The following KDM4B variants were observed in gnomAD, a reference collection of about 807,000 sequenced individuals.
KDM4B encodes the protein lysine-specific demethylase 4B.
KDM4B carries 32 observed loss-of-function variants against 125.2 expected under a neutral mutation model. The observed-to-expected ratio is 0.26, with a 90% CI of 0.19 to 0.34. KDM4B has a LOEUF of 0.34. Ranked by LOEUF, KDM4B falls within the 10% of genes least tolerant of loss-of-function variation. The probability of loss-of-function intolerance (pLI) is 1.00; values close to 1 mark genes in which losing one functional copy is unlikely to be tolerated. For synonymous variants in KDM4B, 721 were observed against 677.9 expected (o/e 1.06, Z -0.99); for missense variants, 1,190 against 1,577.7 (o/e 0.75, Z 4.16).
intron 1 of KDM4B, among the ~76,000 whole-genome samples, chr19:5,010,403 C>T (rs575168650): frequency 1.3e-5 from 2 of 152,270 alleles, no homozygotes; most frequent in Admixed American, 6.5e-5. Flanking sequence ...GCTGAGGCGT[C>T]GGTCAAGTTT....
intron 9 of KDM4B, among the ~76,000 whole-genome samples, chr19:5,090,150 G>A (rs554566416): frequency 9.2e-5 from 14 of 152,146 alleles, no homozygotes; most frequent in Non-Finnish European, 1.9e-4. Context: ...ATTGCTGAGC[G>A]CCTGCCGTGT....
At chr19:5,025,834 A>T (rs1568236675) in intron 2 of KDM4B, among the ~76,000 whole-genome samples, 3 of 151,078 alleles carry the variant, frequency 2.0e-5, no homozygotes, top group Admixed American at 1.3e-4. Flanking sequence ...TCCCAAACCA[A>T]CTTCATTTGT....
chr19:5,137,896 C>T, intron 17 of KDM4B, 66 bp from the exon 18 acceptor site: 2 of 1,392,576 alleles, frequency 1.4e-6, no homozygotes, highest in Non-Finnish European at 2.0e-6. Context: ...ACATCACGCC[C>T]AGCCCCTCTG....
chr19:5,134,702 G>A (rs1267972317), intron 14 of KDM4B, among the ~76,000 whole-genome samples: 2 of 152,212 alleles, frequency 1.3e-5, no homozygotes, highest in African/African-American at 2.4e-5. Context: ...AGCATGTCCA[G>A]GCATCAGCAG....
chr19:5,074,454 G>C (rs1162451483), intron 7 of KDM4B: 3 of 152,280 alleles, frequency 2.0e-5, no homozygotes, highest in Non-Finnish European at 4.4e-5. Context: ...CTCACCGGGA[G>C]AGTTGTGGAG....
rs538978088 is a variant in KDM4B, at chr19:5,080,020, C to T, written c.781-2347C>T. 3.9e-5 allele frequency among the ~76,000 whole-genome samples: 6 copies of T among 152,340 alleles called. No individual in the cohort carries two copies. The East Asian group carries it at 9.7e-4, about 25-fold the overall frequency. On this transcript the variant is annotated intron_variant, in intron 8 of 22. Coordinates refer to ENST00000159111, the MANE Select transcript of KDM4B (RefSeq NM_015015.3). ...CTTGGGGACCCCATGTCCTGCACGGCGGGGGCCAGGCCCTGGGGCCACGTG... is the reference window on the plus strand; with the variant it reads ...CTTGGGGACCCCATGTCCTGCACGGTGGGGGCCAGGCCCTGGGGCCACGTG...
Position 5,142,543 on chromosome 19 carries a change from C to T in KDM4B, c.2551-1424C>T, listed in dbSNP as rs548422190. ...GATGGTGCTGGGCACCAGCCTGCCC[C>T]GGGGCTGGGTTTCTCCTGGGCCTGG... On this transcript the variant is annotated intron_variant, in intron 18 of 22. Transcript: ENST00000159111. The surrounding 1 kb of genome is among the most constrained non-coding windows in gnomAD (Gnocchi z 5.4). 5.3e-5 allele frequency among the ~76,000 whole-genome samples: 8 copies of T among 152,188 alleles called. No individual in the cohort carries two copies. The highest frequency in any genetic ancestry group is 9.6e-5 in the African/African-American group (4 of 41,536).
chr19:5,010,292 T>C (rs372282614), intron 1 of KDM4B, among the ~76,000 whole-genome samples: 2 of 152,198 alleles, frequency 1.3e-5, no homozygotes, highest in East Asian at 1.9e-4. Flanking sequence ...AAGCATACCA[T>C]AGGGCTCATG....
At position 5,101,473 on chromosome 19, in the gene KDM4B, G is replaced by T. The variant is rs188662175; in HGVS notation, c.919-9149G>T. Among the ~76,000 whole-genome samples the T allele has an allele frequency of 3.5e-4, 53 of 151,542 alleles. 1 individual carries two copies. Among genetic ancestry groups the T allele is most frequent in the Admixed American group, 3.2e-3 (48 of 15,234 alleles). ...AGGACTTCGGGGTCGGCAGTGAGCT[G>T]CTGTGATCACGCCACCACATTCCAG... On this transcript the variant is annotated intron_variant, in intron 9 of 22. Transcript: ENST00000159111.
At chr19:5,043,646 T>G (rs1214415937) in intron 5 of KDM4B, among the ~76,000 whole-genome samples, 4 of 114,302 alleles carry the variant, frequency 3.5e-5, no homozygotes, top group Non-Finnish European at 5.4e-5. Context: ...CACCATATCC[T>G]GCGTGGTGTT....
intron 6 of KDM4B, among the ~76,000 whole-genome samples, chr19:5,066,976 G>A (rs76084378): frequency 2.0e-5 from 3 of 152,054 alleles, no homozygotes; most frequent in Non-Finnish European, 2.9e-5. Context: ...CCTGCGTCCC[G>A]GCCGATGTGA....
intron 9 of KDM4B, among the ~76,000 whole-genome samples, chr19:5,100,184 C>T (rs993371222): frequency 2.5e-4 from 38 of 152,202 alleles, no homozygotes; most frequent in Non-Finnish European, 3.4e-4. Context: ...GTACCTGATA[C>T]GTGTCTGATT....
chr19:5,022,197 C>T (rs1173108570), intron 2 of KDM4B, among the ~76,000 whole-genome samples: 1 of 152,206 alleles, frequency 6.6e-6, no homozygotes, highest in African/African-American at 2.4e-5. Flanking sequence ...CAGGCGGGCC[C>T]TGTGGCCAGG....
intron 2 of KDM4B, among the ~76,000 whole-genome samples, chr19:5,025,203 G>A (rs1296107157): frequency 6.6e-6 from 1 of 151,904 alleles, no homozygotes; most frequent in African/African-American, 2.4e-5. Context: ...ACCTAGGGGT[G>A]GGGCGTGGTG....
At chr19:5,051,978 C>G in intron 6 of KDM4B, among the ~76,000 whole-genome samples, 1 of 152,088 alleles carries the variant, frequency 6.6e-6, no homozygotes, top group Middle Eastern at 3.2e-3. Flanking sequence ...CTTGTGCTCC[C>G]GTGAAGGGCA....
In KDM4B at chr19:5,144,232, C is replaced by T. The variant is rs2039797507; in HGVS notation, c.2737-16C>T. The T allele has an allele frequency of 6.9e-6, 11 of 1,594,262 alleles. No individual in the cohort carries two copies. The highest frequency in any genetic ancestry group is 1.3e-5 in the African/African-American group (1 of 74,606). The stretch of plus-strand genomic sequence containing the variant: ...ACCCGCGCTGACCGCCCCCCACACC[C>T]TCCGCACCCTCCCAGGTCCAACTCC... On this transcript the variant is annotated splice_polypyrimidine_tract_variant and intron_variant, in intron 19 of 22. Transcript: ENST00000159111.
intron 6 of KDM4B, among the ~76,000 whole-genome samples, chr19:5,058,506 A>G (rs1284698997): frequency 6.6e-6 from 1 of 152,272 alleles, no homozygotes; most frequent in South Asian, 2.1e-4. Context: ...CAGGGGAGCT[A>G]CTACTCTTGG....
chr19:5,065,130 G>T (rs1568270448), intron 6 of KDM4B, among the ~76,000 whole-genome samples: 1 of 152,242 alleles, frequency 6.6e-6, no homozygotes, highest in African/African-American at 2.4e-5. Flanking sequence ...ACTGCGCAGC[G>T]TCACCTAGCA....
intron 2 of KDM4B, among the ~76,000 whole-genome samples, chr19:5,017,502 C>T (rs2035930011): frequency 6.6e-6 from 1 of 152,154 alleles, no homozygotes; most frequent in Non-Finnish European, 1.5e-5. Context: ...CATGCGCCTC[C>T]TCTTGTCCAG....
Sources: allele counts gnomAD v4.1 joint callset (sites outside exome capture counted in the v4.1 genomes callset), GRCh38; gene constraint gnomAD v4.1.1; non-coding constraint Gnocchi (gnomAD v3.1); transcripts MANE v1.5; gene names NCBI Gene and HGNC (gene_info 2026-07-23, HGNC 2026-07-21).